The following GFPT1 variants were observed in gnomAD, a reference collection of about 807,000 sequenced individuals.
GFPT1 encodes glutamine--fructose-6-phosphate transaminase 1.
In GFPT1, 40 loss-of-function variants were observed where a neutral mutation model predicts 92.0. The observed-to-expected ratio is 0.43, with a 90% CI of 0.34 to 0.57. The LOEUF (loss-of-function observed/expected upper bound fraction) is 0.57, where lower values mean the gene tolerates loss of function less well. Among genes scored for constraint, GFPT1 ranks in the 20% least tolerant of loss-of-function variants. The probability of loss-of-function intolerance (pLI) is 0.02; values close to 1 mark genes in which losing one functional copy is unlikely to be tolerated. For synonymous variants in GFPT1, 269 were observed against 280.6 expected (o/e 0.96, Z 0.41); for missense variants, 448 against 869.1 (o/e 0.52, Z 6.09).
chr2:69,331,574 G>A (rs1021553185), intron 15 of GFPT1, among the ~76,000 whole-genome samples: 1 of 152,028 alleles, frequency 6.6e-6, no homozygotes, highest in African/African-American at 2.4e-5. Flanking sequence ...TTGGTGTGAT[G>A]TAACAAGGGT....
rs569234302 is a variant in GFPT1 at position 69,344,599 on chromosome 2, A to G, written c.1105+1305T>C. Among the ~76,000 whole-genome samples, 4 of 152,298 alleles carry G rather than the reference A, an allele frequency of 2.6e-5. No homozygotes were observed. The South Asian group carries it at 8.3e-4, about 32-fold the overall frequency. ...CCTAACAACAAAAAAGATGACAGCT[A>G]TCCTGTTTTATTACAGAACTTTTAT... On this transcript the variant is annotated intron_variant, in intron 12 of 19. Transcript: ENST00000357308.
intron 9 of GFPT1, among the ~76,000 whole-genome samples, chr2:69,352,770 G>C (rs555373115): frequency 1.3e-5 from 2 of 151,974 alleles, no homozygotes; most frequent in Non-Finnish European, 2.9e-5. Flanking sequence ...TTGAGGCTGG[G>C]TGCAGCGGCT....
At chr2:69,384,929 A>C (rs951707989) in intron 1 of GFPT1, among the ~76,000 whole-genome samples, 1 of 152,110 alleles carries the variant, frequency 6.6e-6, no homozygotes, top group Admixed American at 6.6e-5. Context: ...TCAATGACTA[A>C]GATGTGGGAG....
chr2:69,361,485 A>G (rs1671471222), intron 4 of GFPT1, among the ~76,000 whole-genome samples: 1 of 152,002 alleles, frequency 6.6e-6, no homozygotes, highest in Admixed American at 6.6e-5. Flanking sequence ...GCTAGAACAA[A>G]GAGATTAATA....
At chr2:69,369,592 C>T (rs2104678808) in intron 3 of GFPT1, among the ~76,000 whole-genome samples, 1 of 152,278 alleles carries the variant, frequency 6.6e-6, no homozygotes, top group Non-Finnish European at 1.5e-5. Context: ...GGTGCAATGT[C>T]AAAATTGACT....
chr2:69,337,718 A>G (rs1185632420), intron 15 of GFPT1, among the ~76,000 whole-genome samples, 180 bp downstream of exon 15: 2 of 152,194 alleles, frequency 1.3e-5, no homozygotes, highest in African/African-American at 4.8e-5. Context: ...ATCTGACCCT[A>G]AAGTCCTACA....
At chr2:69,365,209 G>A (rs568930390) in intron 3 of GFPT1, among the ~76,000 whole-genome samples, 4 of 152,080 alleles carry the variant, frequency 2.6e-5, no homozygotes, top group Non-Finnish European at 4.4e-5. Context: ...CGAGCACCAC[G>A]GCTCATGCCT....
intron 7 of GFPT1, among the ~76,000 whole-genome samples, chr2:69,355,983 C>CTTTTT (rs1157501841): frequency 6.6e-5 from 5 of 75,616 alleles, no homozygotes; most frequent in Non-Finnish European, 7.0e-5. Flanking sequence ...TATTTGCTTT[C>CTTTTT]TTTTTTTTTT....
chr2:69,329,787 G>C lies in GFPT1; in HGVS notation c.1494C>G (p.Ser498Arg). 6.3e-7 allele frequency: 1 copy of C among 1,577,348 alleles called. No individual in the cohort carries two copies. The highest frequency in any genetic ancestry group is 8.7e-7 in the Non-Finnish European group (1 of 1,146,372). The change falls in exon 16 of 20, where the codon AGC (serine) becomes AGG (arginine). Residue 498 changes from serine (S) to arginine (R), a missense_variant. Ser to Arg is a moderately radical substitution (Grantham distance 110, BLOSUM62 -1). Around this residue, in one of 7 missense-constraint regions of GFPT1, gnomAD observed 121 missense variants for 304.3 expected, o/e 0.40. Coordinates refer to ENST00000357308, the MANE Select transcript of GFPT1 (RefSeq NM_001244710.2). Reference protein sequence around the residue: ...IGVASTKAYTSQFVSLVMFAL... With the variant: ...IGVASTKAYTRQFVSLVMFAL... ...CAAACATCACAAGGGATACAAACTG[G>C]CTGGTATAAGCCTGAAACATCACAA...
chr2:69,369,923 G>T, intron 3 of GFPT1, 78 bp downstream of exon 3: 1 of 843,544 alleles, frequency 1.2e-6, no homozygotes, highest in Non-Finnish European at 2.1e-6. Context: ...ATGGGGGGAG[G>T]GAGTAACTTA....
intron 12 of GFPT1, among the ~76,000 whole-genome samples, chr2:69,343,778 C>T (rs1366151419): frequency 6.6e-6 from 1 of 152,136 alleles, no homozygotes; most frequent in Non-Finnish European, 1.5e-5. Context: ...TACTTTTTAT[C>T]TTTTGAATAA....
Position 69,364,273 on chromosome 2 carries a change from G to T in GFPT1, c.224-603C>A, listed in dbSNP as rs1402581859. 4.6e-5 allele frequency among the ~76,000 whole-genome samples: 7 copies of T among 152,030 alleles called. No homozygotes were observed. The East Asian group carries it at 1.3e-3, about 29-fold the overall frequency. Reference sequence around the variant, plus strand: ...TGCAACTGAAATATTGAAGGCAAATGGTTTCAATAACAACCAAAAAACTAA... The same window carrying T: ...TGCAACTGAAATATTGAAGGCAAATTGTTTCAATAACAACCAAAAAACTAA... On this transcript the variant is annotated intron_variant, in intron 3 of 19. Coordinates refer to ENST00000357308, the MANE Select transcript of GFPT1 (RefSeq NM_001244710.2).
intron 15 of GFPT1, among the ~76,000 whole-genome samples, chr2:69,333,126 C>CTCTTCCAGTCTACTTCTTCCTACTGTGGT (rs1670710832): frequency 6.6e-6 from 1 of 152,146 alleles, no homozygotes; most frequent in Non-Finnish European, 1.5e-5. Context: ...AAATTCCAGA[C>CTCTTCCAGTCTACTTCTTCCTACTGTGGT]TCTTCCAGTC....
chr2:69,327,211 T>A, intron 18 of GFPT1, 136 bp from the exon 19 acceptor site: 1 of 757,852 alleles, frequency 1.3e-6, no homozygotes, highest in Non-Finnish European at 2.3e-6. Flanking sequence ...TCCTGTGTAG[T>A]AAATCTGATT....
intron 13 of GFPT1, among the ~76,000 whole-genome samples, chr2:69,339,778 A>G (rs1453497769): frequency 6.6e-6 from 1 of 152,218 alleles, no homozygotes; most frequent in Non-Finnish European, 1.5e-5. Flanking sequence ...AAAATATTAA[A>G]TAACTTTGAT....
Position 69,331,303 on chromosome 2 carries a change from T to C in GFPT1, c.1483-1505A>G, listed in dbSNP as rs527921329. Among the ~76,000 whole-genome samples, 6 of 152,330 alleles carry C rather than the reference T, an allele frequency of 3.9e-5. No homozygotes were observed. In the South Asian group the frequency reaches 1.2e-3, roughly 32 times the overall value. On this transcript the variant is annotated intron_variant, in intron 15 of 19. Transcript: ENST00000357308. ...TTTTCTCTTTTGACAACTGACTTTGTTGTTCCTCACCTGTTTTTCAACTTG... is the reference window on the plus strand; with the variant it reads ...TTTTCTCTTTTGACAACTGACTTTGCTGTTCCTCACCTGTTTTTCAACTTG...
chr2:69,348,398 T>G (rs1216182518), intron 10 of GFPT1, 64 bp from the exon 11 acceptor site: 4 of 1,284,986 alleles, frequency 3.1e-6, no homozygotes, highest in Non-Finnish European at 4.5e-6. Flanking sequence ...AATGAAACTA[T>G]CATTTGGATA....
At chr2:69,361,308 C>T (rs1305611798) in intron 4 of GFPT1, among the ~76,000 whole-genome samples, 2 of 151,688 alleles carry the variant, frequency 1.3e-5, no homozygotes, top group Non-Finnish European at 2.9e-5. Context: ...AATTGCCAGG[C>T]GTGGTGTCAG....
At chr2:69,327,150 A>T (rs1361921499) in intron 18 of GFPT1, 75 bp from the exon 19 acceptor site, 6 of 1,279,436 alleles carry the variant, frequency 4.7e-6, no homozygotes, top group Non-Finnish European at 6.8e-6. Flanking sequence ...GAATGTGCAA[A>T]AATTGCACTG....
Sources: gnomAD v4.1 joint callset for allele counts (sites outside exome capture counted in the v4.1 genomes callset) on GRCh38, gnomAD v4.1.1 for gene constraint, gnomAD v4.1.1 regional missense constraint, MANE v1.5 for transcripts, NCBI Gene and HGNC (gene_info 2026-07-23, HGNC 2026-07-21) for gene names.